The following CCND3 variants were observed in gnomAD, a reference collection of about 807,000 sequenced individuals.
CCND3 encodes the protein G1/S-specific cyclin-D3.
A neutral mutation model predicts 28.7 loss-of-function variants in CCND3; 9 were observed. That is an observed-to-expected ratio of 0.31 (90% confidence interval 0.19 to 0.55). The LOEUF (loss-of-function observed/expected upper bound fraction) is 0.55, where lower values mean the gene tolerates loss of function less well. Ranked by LOEUF, CCND3 falls within the 20% of genes least tolerant of loss-of-function variation. The pLI, the probability that CCND3 is intolerant of heterozygous loss-of-function variation, is 0.93. For synonymous variants in CCND3, 164 were observed against 163.9 expected (o/e 1.00, Z 0.00); for missense variants, 315 against 385.8 (o/e 0.82, Z 1.54).
chr6:42,002,071 C>T (rs1055923138), intron 1 of CCND3, among the ~76,000 whole-genome samples: 7 of 149,742 alleles, frequency 4.7e-5, no homozygotes, highest in Non-Finnish European at 8.9e-5. Flanking sequence ...GCTGAGAAAG[C>T]GCCATTGTAC....
intron 1 of CCND3, among the ~76,000 whole-genome samples, chr6:42,000,470 C>T (rs1331369754): frequency 2.0e-5 from 3 of 150,654 alleles, no homozygotes; most frequent in Non-Finnish European, 3.0e-5. Flanking sequence ...CCTCGTGATC[C>T]GCCTGCCTCG....
chr6:41,959,955 C>CAAA (rs35369393), intron 1 of CCND3, among the ~76,000 whole-genome samples: 18 of 140,350 alleles, frequency 1.3e-4, no homozygotes, highest in Non-Finnish European at 1.9e-4. Context: ...GACTCCGTCT[C>CAAA]AAAAAAAAAA....
At chr6:42,024,546 C>T (rs2127434285) in intron 1 of CCND3, among the ~76,000 whole-genome samples, 1 of 152,220 alleles carries the variant, frequency 6.6e-6, no homozygotes, top group South Asian at 2.1e-4. Context: ...GAGGAGGGTC[C>T]CTCTCCTTAG....
At position 41,977,346 on chromosome 6, in the gene CCND3, G is replaced by C. The variant is rs1356013031; in HGVS notation, c.-45-36761C>G. ...CCTGAACACCAAACCGTTGAGGAAGGCTCAGAACAAATAACTGTACTTTAT... is the reference window on the plus strand; with the variant it reads ...CCTGAACACCAAACCGTTGAGGAAGCCTCAGAACAAATAACTGTACTTTAT... On this transcript the variant is annotated intron_variant, in intron 1 of 4. Coordinates refer to the CCND3 transcript ENST00000372988. Among the ~76,000 whole-genome samples the C allele has an allele frequency of 2.6e-5, 4 of 152,228 alleles. No individual in the cohort carries two copies. In the East Asian group the frequency reaches 7.7e-4, roughly 29 times the overall value.
At chr6:41,973,305 A>G (rs940246212) in intron 1 of CCND3, among the ~76,000 whole-genome samples, 7 of 152,146 alleles carry the variant, frequency 4.6e-5, no homozygotes, top group African/African-American at 1.7e-4. Flanking sequence ...TCTGCCCTAA[A>G]TCCTTTAAAA....
chr6:41,978,357 G>T (rs571923341), intron 1 of CCND3, among the ~76,000 whole-genome samples: 7 of 144,236 alleles, frequency 4.9e-5, no homozygotes, highest in Non-Finnish European at 1.1e-4. Context: ...GGGCAACAGA[G>T]CGAGACTCCA....
chr6:41,935,839 G>C lies in CCND3; in HGVS notation c.*101C>G, dbSNP rs759687476. ...TGGGCTTTGTGAAGGGGGAACAGAC[G>C]CCCCTTCAGGCTTAGATGTGGTGTG... On this transcript the variant is annotated 3_prime_UTR_variant, in exon 5 of 5. Coordinates refer to ENST00000372991, the MANE Select transcript of CCND3 (RefSeq NM_001760.5). 8.9e-7 allele frequency: 1 copy of C among 1,120,862 alleles called. No individual in the cohort carries two copies. The highest frequency in any genetic ancestry group is 1.3e-6 in the Non-Finnish European group (1 of 763,804). The allele number at this position is 1,120,862 out of a possible 1,614,324, so 69.4% of individuals were successfully genotyped here. A position where few individuals can be genotyped will look rare whatever the true frequency, so the allele number is the denominator to read the frequency against.
intron 1 of CCND3, among the ~76,000 whole-genome samples, chr6:41,969,298 G>A (rs1761970945): frequency 1.3e-5 from 2 of 152,008 alleles, no homozygotes; most frequent in Non-Finnish European, 2.9e-5. Context: ...CGGATCACGA[G>A]GTCAAGAGAT....
At chr6:41,991,964 C>T (rs7739942) in intron 1 of CCND3, among the ~76,000 whole-genome samples, 149,213 of 152,254 alleles carry the variant, frequency 0.98, 73,179 homozygotes, top group East Asian at 1. Context: ...CCATTGTGTA[C>T]GTGCCACATT....
At chr6:42,029,401 G>A (rs1582181299) in intron 1 of CCND3, among the ~76,000 whole-genome samples, 2 of 152,192 alleles carry the variant, frequency 1.3e-5, no homozygotes, top group South Asian at 4.2e-4. Context: ...CTATAGAAGG[G>A]GACACCTGTC....
At chr6:42,010,470 C>A (rs530660340) in intron 1 of CCND3, among the ~76,000 whole-genome samples, 39 of 152,250 alleles carry the variant, frequency 2.6e-4, no homozygotes, top group African/African-American at 9.4e-4. Context: ...AGAATGTCCT[C>A]ATTTCACCCA....
At chr6:42,020,223 A>C (rs1349516095) in intron 1 of CCND3, among the ~76,000 whole-genome samples, 1 of 152,178 alleles carries the variant, frequency 6.6e-6, no homozygotes, top group Non-Finnish European at 1.5e-5. Flanking sequence ...TGGAGCTTGC[A>C]GTGAGCAGAG....
chr6:41,975,524 T>C (rs1407602064), intron 1 of CCND3, among the ~76,000 whole-genome samples: 2 of 152,128 alleles, frequency 1.3e-5, no homozygotes, highest in Non-Finnish European at 2.9e-5. Context: ...CAGATGGTGG[T>C]AAACAGAGGT....
At chr6:42,028,966 A>G in intron 1 of CCND3, among the ~76,000 whole-genome samples, 1 of 137,548 alleles carries the variant, frequency 7.3e-6, no homozygotes, top group East Asian at 2.5e-4. Flanking sequence ...CACCACCTTG[A>G]AACGGTTTTT....
chr6:42,041,079 G>C (rs761401244), intron 1 of CCND3, among the ~76,000 whole-genome samples: 24 of 152,122 alleles, frequency 1.6e-4, no homozygotes, highest in Non-Finnish European at 2.8e-4. Flanking sequence ...ATGTGTCTGG[G>C]AACACATGAG....
At chr6:41,940,637 A>T in intron 1 of CCND3, 52 bp from the exon 2 acceptor site, 1 of 1,091,372 alleles carries the variant, frequency 9.2e-7, no homozygotes, top group Admixed American at 1.8e-5. Context: ...GGAACACAGC[A>T]GCGGGGGGGT....
intron 1 of CCND3, among the ~76,000 whole-genome samples, chr6:42,035,525 G>A (rs1370766935): frequency 4.6e-5 from 7 of 151,106 alleles, no homozygotes; most frequent in African/African-American, 1.2e-4. Context: ...CCACTACCAC[G>A]CCTGGCTAAT....
intron 1 of CCND3, among the ~76,000 whole-genome samples, chr6:41,959,891 G>A (rs1761665016): frequency 6.6e-6 from 1 of 151,782 alleles, no homozygotes; most frequent in African/African-American, 2.4e-5. Context: ...AGGAGGCAGA[G>A]GTTGCAGTGA....
chr6:41,963,584 C>T (rs767322727), intron 1 of CCND3, among the ~76,000 whole-genome samples: 4 of 152,220 alleles, frequency 2.6e-5, no homozygotes, highest in East Asian at 3.8e-4. Flanking sequence ...ATCAGCCATG[C>T]TGTCCTTGAC....
Sources: allele counts gnomAD v4.1 joint callset (sites outside exome capture counted in the v4.1 genomes callset), GRCh38; gene constraint gnomAD v4.1.1; transcripts MANE v1.5; gene names NCBI Gene and HGNC (gene_info 2026-07-23, HGNC 2026-07-21).